MEP1A: variants seen among roughly 807,000 people sequenced by gnomAD.
The protein encoded by MEP1A is N-benzoyl-L-tyrosyl-P-amino-benzoic acid hydrolase subunit alpha.
Under a neutral mutation model 84.5 loss-of-function variants are expected in MEP1A, and 68 were observed. The ratio of observed to expected loss-of-function variants is 0.80; its 90% CI spans 0.66 to 0.98. MEP1A has a LOEUF of 0.98. Ranked by LOEUF, MEP1A falls within the 50% of genes least tolerant of loss-of-function variation. The pLI is 0.00. For missense variants in MEP1A, 887 were observed against 919.9 expected (o/e 0.96, Z 0.46); for synonymous variants, 337 against 336.8 (o/e 1.00, Z -0.01).
Position 46,838,968 on chromosome 6 carries a change from C to G in MEP1A, c.2085-12C>G, listed in dbSNP as rs757478857. ...GTAGTTCCCACACTCCCTTCATGTC[C>G]TTTTCCCTCAGGTGCATCTCTGGAC... is the stretch of plus-strand genomic sequence containing the variant. On this transcript the variant is annotated splice_polypyrimidine_tract_variant and intron_variant, in intron 13 of 13. Transcript: ENST00000230588. The G allele has an allele frequency of 6.2e-7, 1 of 1,607,890 alleles. No individual in the cohort carries two copies. Among genetic ancestry groups the G allele is most frequent in the Non-Finnish European group, 8.5e-7 (1 of 1,175,532 alleles).
intron 13 of MEP1A, 144 bp from the exon 14 acceptor site, chr6:46,838,836 A>G: frequency 1.5e-6 from 1 of 661,934 alleles, no homozygotes; most frequent in South Asian, 2.1e-5. Context: ...GTTGGTCCAT[A>G]TACAGCTCTT....
chr6:46,794,552 T>G (rs1767008062), intron 3 of MEP1A, among the ~76,000 whole-genome samples: 1 of 152,234 alleles, frequency 6.6e-6, no homozygotes, highest in Non-Finnish European at 1.5e-5. Context: ...AGCTCAGTGC[T>G]ATCTGAAGGC....
intron 7 of MEP1A, among the ~76,000 whole-genome samples, chr6:46,824,956 TAG>T (rs1767889247): frequency 8.0e-6 from 1 of 124,620 alleles, no homozygotes; most frequent in Non-Finnish European, 1.7e-5. Flanking sequence ...TATATTTAAA[TAG>T]ATCTATTTAA....
intron 10 of MEP1A, among the ~76,000 whole-genome samples, chr6:46,832,860 T>C (rs570645549): frequency 6.6e-6 from 1 of 152,322 alleles, no homozygotes; most frequent in South Asian, 2.1e-4. Flanking sequence ...AATTTTAAAA[T>C]AAATCATAGT....
chr6:46,807,508 GAAAT>G (rs1238971243), intron 5 of MEP1A, among the ~76,000 whole-genome samples: 10 of 99,024 alleles, frequency 1.0e-4, no homozygotes, highest in Middle Eastern at 4.7e-3. Flanking sequence ...ACCCCCATCT[GAAAT>G]AAAGAAAGAA....
chr6:46,839,298 T>C lies in MEP1A; in HGVS notation c.*162T>C. ...ACCCTTGTCATCTCTCTGCCCCACATAATTCTGTTACTTTGCTATGTGCTC... is the reference window on the plus strand; with the variant it reads ...ACCCTTGTCATCTCTCTGCCCCACACAATTCTGTTACTTTGCTATGTGCTC... On this transcript the variant is annotated 3_prime_UTR_variant, in exon 14 of 14. Coordinates refer to ENST00000230588, the MANE Select transcript of MEP1A (RefSeq NM_005588.3). The C allele has an allele frequency of 1.8e-6, 1 of 569,908 alleles. No individual in the cohort carries two copies. The highest frequency in any genetic ancestry group is 2.7e-5 in the South Asian group (1 of 37,672). 35.3% of individuals were successfully genotyped at this position (569,908 alleles called of 1,614,324 possible).
chr6:46,806,446 G>A (rs565808737), intron 5 of MEP1A, among the ~76,000 whole-genome samples: 19 of 152,144 alleles, frequency 1.2e-4, no homozygotes, highest in Non-Finnish European at 2.1e-4. Flanking sequence ...CTGGAATATA[G>A]TCTTTACTGT....
chr6:46,815,821 A>G (rs1371650118), intron 6 of MEP1A, among the ~76,000 whole-genome samples: 1 of 152,122 alleles, frequency 6.6e-6, no homozygotes, highest in Non-Finnish European at 1.5e-5. Context: ...GCCTCTTAGG[A>G]AAAAAAATGC....
intron 6 of MEP1A, among the ~76,000 whole-genome samples, chr6:46,813,455 A>G (rs1767555320): frequency 6.6e-6 from 1 of 152,134 alleles, no homozygotes; most frequent in African/African-American, 2.4e-5. Flanking sequence ...ACAAATAGAC[A>G]ATTCTGAAGA....
chr6:46,837,732 C>A (rs1219270808), intron 13 of MEP1A, among the ~76,000 whole-genome samples: 1 of 152,096 alleles, frequency 6.6e-6, no homozygotes, highest in East Asian at 1.9e-4. Context: ...TAAGGTAACA[C>A]TAGGGGATAT....
At chr6:46,798,437 G>A (rs757057472) in intron 3 of MEP1A, among the ~76,000 whole-genome samples, 169 bp from the exon 4 acceptor site, 3 of 152,038 alleles carry the variant, frequency 2.0e-5, no homozygotes, top group East Asian at 1.9e-4. Context: ...GATACTCATC[G>A]GCCATTCACA....
chr6:46,803,807 T>G lies in MEP1A; in HGVS notation c.262+4626T>G, dbSNP rs144589131. On this transcript the variant is annotated intron_variant, in intron 5 of 13. Transcript: ENST00000230588. Reference sequence around the variant, plus strand: ...GATATGGTGTATGCTTATTAAAATTTAGTTTATTAATAGATACTTCATAAT... The same window carrying G: ...GATATGGTGTATGCTTATTAAAATTGAGTTTATTAATAGATACTTCATAAT... Among the ~76,000 whole-genome samples, 573 of 151,782 alleles carry G rather than the reference T, an allele frequency of 3.8e-3. 9 individuals carry two copies. The highest frequency in any genetic ancestry group is 0.024 in the Middle Eastern group (7 of 294).
intron 13 of MEP1A, 129 bp from the exon 14 acceptor site, chr6:46,838,851 T>C: frequency 1.4e-6 from 1 of 731,310 alleles, no homozygotes; most frequent in Admixed American, 2.5e-5. Flanking sequence ...GCTCTTGAAA[T>C]GGGACCAGGC....
chr6:46,836,181 G>A (rs1222173438), intron 13 of MEP1A, among the ~76,000 whole-genome samples: 9 of 152,156 alleles, frequency 5.9e-5, no homozygotes. Context: ...TATCTAAAAT[G>A]TACCCAGATG....
chr6:46,807,822 A>AGAAAGAAAGAAAGAAGGAAG (rs1554189043), intron 5 of MEP1A, among the ~76,000 whole-genome samples: 1 of 150,322 alleles, frequency 6.7e-6, no homozygotes, highest in African/African-American at 2.5e-5. Context: ...AAAGAAAGAA[A>AGAAAGAAAGAAAGAAGGAAG]GAAAGAAAGA....
rs770242662 is a variant in MEP1A, at chr6:46,826,431, G to A, written c.856G>A (p.Asp286Asn). 3 of 1,609,428 alleles carry A rather than the reference G, an allele frequency of 1.9e-6. No homozygotes were observed. Among genetic ancestry groups the A allele is most frequent in the Admixed American group, 3.4e-5 (2 of 59,396 alleles). ...TGGAATGATTCAGGGCACCAGAGAT[G>A]ACACTGACTGGGCCCATCAGGACAG... ...ICGMIQGTRDDTDWAHQDSAQ... is the reference protein window; with the variant it reads ...ICGMIQGTRDNTDWAHQDSAQ... Residue 286 changes from aspartate to asparagine, a missense_variant, in exon 9 of 14, where the codon GAC (aspartate) becomes AAC (asparagine). Transcript: ENST00000230588.
intron 3 of MEP1A, among the ~76,000 whole-genome samples, chr6:46,796,095 T>C (rs1172079517): frequency 6.6e-6 from 1 of 152,206 alleles, no homozygotes; most frequent in Non-Finnish European, 1.5e-5. Context: ...GAAGTGATTT[T>C]CGATGTGTTG....
At chr6:46,797,567 G>C (rs565087958) in intron 3 of MEP1A, among the ~76,000 whole-genome samples, 22 of 152,264 alleles carry the variant, frequency 1.4e-4, no homozygotes, top group African/African-American at 5.3e-4. Flanking sequence ...CTTGGTTTTG[G>C]AGGGTATCAT....
At chr6:46,810,305 G>C (rs950479450) in intron 6 of MEP1A, among the ~76,000 whole-genome samples, 5 of 151,834 alleles carry the variant, frequency 3.3e-5, no homozygotes, top group African/African-American at 1.2e-4. Flanking sequence ...CCCAATTTTT[G>C]ATGGGATTGT....
Sources: gnomAD v4.1 joint callset for allele counts (sites outside exome capture counted in the v4.1 genomes callset) on GRCh38, gnomAD v4.1.1 for gene constraint, MANE v1.5 for transcripts, NCBI Gene and HGNC (gene_info 2026-07-23, HGNC 2026-07-21) for gene names.